Variants in BANP observed in about 807,000 individuals in gnomAD.
BANP encodes protein BANP.
BANP carries 11 observed loss-of-function variants against 68.1 expected under a neutral mutation model. That is an observed-to-expected ratio of 0.16 (90% CI 0.10 to 0.27). The LOEUF (loss-of-function observed/expected upper bound fraction) is 0.27. Ranked by LOEUF, BANP falls within the 10% of genes least tolerant of loss-of-function variation. The probability of loss-of-function intolerance (pLI) is 1.00; values close to 1 mark genes in which losing one functional copy is unlikely to be tolerated. For synonymous variants in BANP, 329 were observed against 303.2 expected (o/e 1.09, Z -0.88); for missense variants, 504 against 722.7 (o/e 0.70, Z 3.47).
At chr16:87,985,250 C>T (rs1371549660) in intron 4 of BANP, among the ~76,000 whole-genome samples, 1 of 152,160 alleles carries the variant, frequency 6.6e-6, no homozygotes, top group Admixed American at 6.5e-5. Context: ...TCGGGCATGC[C>T]GGGGCTTTTG....
intron 3 of BANP, among the ~76,000 whole-genome samples, chr16:87,983,845 A>G (rs2063766384): frequency 6.6e-6 from 1 of 152,264 alleles, no homozygotes; most frequent in African/African-American, 2.4e-5. Flanking sequence ...TGACTAAATC[A>G]TCACATTTGA....
chr16:87,997,519 A>G (rs963732118), intron 4 of BANP, among the ~76,000 whole-genome samples: 1 of 151,970 alleles, frequency 6.6e-6, no homozygotes, highest in Non-Finnish European at 1.5e-5. Flanking sequence ...GAGTGAGACC[A>G]TGTGTTCCTG....
At chr16:87,981,182 G>A (rs2063187600) in intron 3 of BANP, 55 bp downstream of exon 3, 1 of 1,293,112 alleles carries the variant, frequency 7.7e-7, no homozygotes, top group East Asian at 2.3e-5. Flanking sequence ...TTCAAGGGCT[G>A]CTATAACAAA....
At chr16:87,949,879 T>TC (rs2056639790), upstream of BANP, 1 of 151,004 alleles carries the variant, frequency 6.6e-6, no homozygotes, top group African/African-American at 2.4e-5. Context: ...TTCTTTCTTT[T>TC]TTTTTTTTTT....
At chr16:88,072,376 G>A (rs962924985) in intron 13 of BANP, among the ~76,000 whole-genome samples, 164 bp downstream of exon 13, 6 of 152,398 alleles carry the variant, frequency 3.9e-5, no homozygotes, top group African/African-American at 2.4e-5. Context: ...CACACTCACC[G>A]TGAACGTGAA....
At chr16:88,043,401 T>G (rs1286635091) in intron 11 of BANP, among the ~76,000 whole-genome samples, 1 of 152,184 alleles carries the variant, frequency 6.6e-6, no homozygotes, top group East Asian at 1.9e-4. Context: ...GACTACACTG[T>G]GCTGATTTCT....
At chr16:88,021,880 T>C (rs1467159652) in intron 7 of BANP, among the ~76,000 whole-genome samples, 1 of 152,206 alleles carries the variant, frequency 6.6e-6, no homozygotes, top group Non-Finnish European at 1.5e-5. Context: ...TCCTTATTTG[T>C]CAGCAGAAAG....
chr16:88,049,447 C>T (rs75208427), intron 11 of BANP, among the ~76,000 whole-genome samples: 1,812 of 152,290 alleles, frequency 0.012, 12 homozygotes, highest in Middle Eastern at 0.02. Context: ...TGGAAGCTCA[C>T]TGAACCTGCC....
chr16:88,030,315 A>G (rs2077885998), intron 8 of BANP, among the ~76,000 whole-genome samples: 1 of 152,222 alleles, frequency 6.6e-6, no homozygotes, highest in Non-Finnish European at 1.5e-5. Flanking sequence ...TTAAAATTAC[A>G]TTCAAGAATT....
intron 1 of BANP, among the ~76,000 whole-genome samples, chr16:87,965,993 G>T (rs2059952133): frequency 6.6e-6 from 1 of 152,204 alleles, no homozygotes; most frequent in Non-Finnish European, 1.5e-5. Context: ...TCTTGGATGT[G>T]TTGGCACACC....
chr16:87,983,818 A>C (rs921241494), intron 3 of BANP, among the ~76,000 whole-genome samples: 2 of 152,244 alleles, frequency 1.3e-5, no homozygotes, highest in African/African-American at 4.8e-5. Flanking sequence ...TTGCAACTGC[A>C]CGTAGAAGTG....
intron 12 of BANP, among the ~76,000 whole-genome samples, chr16:88,066,541 G>A (rs551060458): frequency 2.6e-5 from 4 of 152,214 alleles, no homozygotes; most frequent in Non-Finnish European, 5.9e-5. Flanking sequence ...AGTGCCTCCT[G>A]CTCCTTTTGC....
rs374911057 is a variant in BANP, at chr16:88,050,261, A to G, written c.1311+12250A>G. Among the ~76,000 whole-genome samples the G allele has an allele frequency of 1.5e-3, 223 of 152,196 alleles. 1 individual carries two copies. Among genetic ancestry groups the G allele is most frequent in the African/African-American group, 4.7e-3 (195 of 41,538 alleles). ...AGCCTCTGCCTCCCGGGCTCAGGCA[A>G]TCCTCCCACCTCAGCCTCCCCGGTG... On this transcript the variant is annotated intron_variant, in intron 11 of 13. Transcript: ENST00000682872.
intron 6 of BANP, among the ~76,000 whole-genome samples, chr16:88,015,551 G>C (rs1265195111): frequency 6.6e-6 from 1 of 152,208 alleles, no homozygotes; most frequent in Non-Finnish European, 1.5e-5. Flanking sequence ...CCCCGCTCTG[G>C]AATGTTCTCT....
At position 88,035,313 on chromosome 16, in the gene BANP, C is replaced by T; in HGVS notation, c.1201-10C>T. On this transcript the variant is annotated splice_polypyrimidine_tract_variant and intron_variant, in intron 9 of 13. Coordinates refer to ENST00000682872, the MANE Select transcript of BANP (RefSeq NM_001386991.1). ...CTTCTGATGCTTCTTGGTGTCTTTT[C>T]TTGCTGCGGATCCCACAGGGACACC... The T allele has an allele frequency of 6.2e-7, 1 of 1,603,892 alleles. No individual in the cohort carries two copies.
At chr16:87,998,946 A>G (rs1598290052) in intron 4 of BANP, among the ~76,000 whole-genome samples, 2 of 8,236 alleles carry the variant, frequency 2.4e-4, no homozygotes, top group African/African-American at 3.2e-4. Context: ...GGCTGTACTT[A>G]CCTGTCCTTC....
intron 11 of BANP, among the ~76,000 whole-genome samples, chr16:88,044,859 G>A (rs142483912): frequency 4.6e-5 from 7 of 152,236 alleles, no homozygotes; most frequent in African/African-American, 1.7e-4. Context: ...GCAGGCGCCT[G>A]TAGTCTCAGC....
intron 2 of BANP, among the ~76,000 whole-genome samples, chr16:87,975,387 AG>A (rs892285390): frequency 2.0e-5 from 3 of 152,092 alleles, no homozygotes; most frequent in African/African-American, 7.2e-5. Context: ...TCCCTTCTGG[AG>A]GGGGCCCCTG....
At chr16:88,030,549 T>C (rs1411445360) in intron 8 of BANP, among the ~76,000 whole-genome samples, 1 of 152,236 alleles carries the variant, frequency 6.6e-6, no homozygotes, top group South Asian at 2.1e-4. Context: ...GCTGCTGTTA[T>C]ATAACCTGAC....
Sources: allele counts gnomAD v4.1 joint callset (sites outside exome capture counted in the v4.1 genomes callset), GRCh38; gene constraint gnomAD v4.1.1; transcripts MANE v1.5; gene names NCBI Gene and HGNC (gene_info 2026-07-23, HGNC 2026-07-21).